The following NFATC3 variants were observed in gnomAD, a reference collection of about 807,000 sequenced individuals.
NFATC3 encodes nuclear factor of activated T cells 3.
A neutral mutation model predicts 98.6 loss-of-function variants in NFATC3; 46 were observed. The ratio of observed to expected loss-of-function variants is 0.47; its 90% CI spans 0.37 to 0.60. The LOEUF is 0.60. Ranked by LOEUF, NFATC3 falls within the 20% of genes least tolerant of loss-of-function variation. The pLI is 0.00. For missense variants in NFATC3, 1,256 were observed against 1,295.5 expected (o/e 0.97, Z 0.47); for synonymous variants, 512 against 472.2 (o/e 1.08, Z -1.09).
chr16:68,198,876 G>A (rs139098465), intron 9 of NFATC3, among the ~76,000 whole-genome samples: 4,027 of 152,192 alleles, frequency 0.026, 174 homozygotes, highest in African/African-American at 0.089. Context: ...GTGAAACCCC[G>A]TCTCTACTAA....
chr16:68,156,790 T>C (rs1390589733), intron 3 of NFATC3, among the ~76,000 whole-genome samples: 2 of 151,902 alleles, frequency 1.3e-5, no homozygotes, highest in African/African-American at 4.8e-5. Context: ...AATACAAAAA[T>C]TAGCCGGGCA....
chr16:68,199,612 G>A (rs147756409), intron 9 of NFATC3, among the ~76,000 whole-genome samples: 100 of 145,094 alleles, frequency 6.9e-4, no homozygotes, highest in African/African-American at 2.2e-3. Context: ...TTTTTGAGAC[G>A]GAGTCTCACT....
chr16:68,168,471 T>TTTATTATTA (rs141377197), intron 5 of NFATC3, among the ~76,000 whole-genome samples: 1 of 147,956 alleles, frequency 6.8e-6, no homozygotes, highest in Admixed American at 6.7e-5. Flanking sequence ...CTTGTATTCT[T>TTTATTATTA]TTATTATTAT....
At chr16:68,192,251 A>ATATATATGTATG (rs1427447833) in intron 9 of NFATC3, 15 of 109,108 alleles carry the variant, frequency 1.4e-4, no homozygotes, top group African/African-American at 4.7e-4. Flanking sequence ...ATATATATAT[A>ATATATATGTATG]TATGTATGTG....
intron 7 of NFATC3, among the ~76,000 whole-genome samples, chr16:68,181,865 T>C (rs2039961635): frequency 6.6e-6 from 1 of 152,110 alleles, no homozygotes; most frequent in African/African-American, 2.4e-5. Context: ...AGGTCAAGGC[T>C]GCAGTGAGCC....
intron 1 of NFATC3, among the ~76,000 whole-genome samples, chr16:68,098,271 CTATTATTATTAT>C (rs1314480778): frequency 8.1e-6 from 1 of 123,602 alleles, no homozygotes; most frequent in Non-Finnish European, 1.6e-5. Context: ...AACTTTTTGT[CTATTATTATTAT>C]TATTATTATT....
At chr16:68,169,454 T>G (rs1243852717) in intron 5 of NFATC3, among the ~76,000 whole-genome samples, 1 of 151,952 alleles carries the variant, frequency 6.6e-6, no homozygotes, top group Non-Finnish European at 1.5e-5. Flanking sequence ...TTTTTCCCCA[T>G]GTTGCCCAGG....
At chr16:68,095,202 A>T (rs988904839) in intron 1 of NFATC3, among the ~76,000 whole-genome samples, 54 of 146,460 alleles carry the variant, frequency 3.7e-4, no homozygotes, top group Admixed American at 6.8e-4. Flanking sequence ...CTTAAAAAAA[A>T]TTTTTTTTTT....
Position 68,163,520 on chromosome 16 carries a change from G to A in NFATC3, c.1602-3323G>A, listed in dbSNP as rs573595935. On this transcript the variant is annotated intron_variant, in intron 4 of 9. Transcript: ENST00000346183. ...TGACCCCCCCACTTCCCTCCCGGAC[G>A]GGGCGGCTGGCCTGGTGGGGGCTGA... 1.1e-4 allele frequency among the ~76,000 whole-genome samples: 17 copies of A among 151,878 alleles called. No individual in the cohort carries two copies. The South Asian group carries it at 2.9e-3, about 26-fold the overall frequency.
intron 8 of NFATC3, among the ~76,000 whole-genome samples, chr16:68,188,440 A>T (rs2040306206): frequency 6.6e-6 from 1 of 152,118 alleles, no homozygotes; most frequent in African/African-American, 2.4e-5. Context: ...GCCAATTCAG[A>T]AGGTGGCGGG....
chr16:68,117,725 C>G (rs1227539339), intron 1 of NFATC3, among the ~76,000 whole-genome samples: 1 of 152,080 alleles, frequency 6.6e-6, no homozygotes, highest in Non-Finnish European at 1.5e-5. Flanking sequence ...GCCACATCGT[C>G]CAGGCTGGTC....
Position 68,226,581 on chromosome 16 carries a change from C to A in NFATC3, c.*110C>A. ...TCAGGTCTGGGGCCAGGAGTGGGAC[C>A]CACCATTTGTGGGGAAAGTAGCATT... On this transcript the variant is annotated 3_prime_UTR_variant, in exon 10 of 10. Coordinates refer to ENST00000346183, the MANE Select transcript of NFATC3 (RefSeq NM_173165.3). 1.6e-6 allele frequency: 2 copies of A among 1,280,216 alleles called. No individual in the cohort carries two copies. Among genetic ancestry groups the A allele is most frequent in the Non-Finnish European group, 2.1e-6 (2 of 972,200 alleles). 79.3% of individuals were successfully genotyped at this position (1,280,216 alleles called of 1,614,324 possible).
chr16:68,210,214 C>T (rs1313362216), intron 9 of NFATC3, among the ~76,000 whole-genome samples: 2 of 150,964 alleles, frequency 1.3e-5, no homozygotes, highest in Admixed American at 1.3e-4. Flanking sequence ...AGGAGAATGG[C>T]GTGAACCCGG....
intron 3 of NFATC3, among the ~76,000 whole-genome samples, chr16:68,130,587 C>T (rs2037064079): frequency 6.6e-6 from 1 of 152,086 alleles, no homozygotes; most frequent in Non-Finnish European, 1.5e-5. Context: ...AAGATATTTT[C>T]TCCCATTCTA....
intron 1 of NFATC3, among the ~76,000 whole-genome samples, chr16:68,095,347 ATTTT>A (rs35343240): frequency 1.4e-4 from 15 of 103,832 alleles, no homozygotes; most frequent in African/African-American, 5.8e-4. Context: ...TGCCCAGCTA[ATTTT>A]TTTTTTTTTT....
At chr16:68,138,737 C>T (rs748014983) in intron 3 of NFATC3, 65 of 1,288,780 alleles carry the variant, frequency 5.0e-5, no homozygotes, top group South Asian at 3.1e-4. Flanking sequence ...AGCCTTTCCT[C>T]ATCAAAACTC....
chr16:68,222,488 A>G (rs1470302884), intron 9 of NFATC3, among the ~76,000 whole-genome samples: 1 of 152,080 alleles, frequency 6.6e-6, no homozygotes, highest in African/African-American at 2.4e-5. Flanking sequence ...TTGCCTTTGG[A>G]AGTGATAAAT....
At chr16:68,139,242 A>G (rs1243747053) in intron 3 of NFATC3, among the ~76,000 whole-genome samples, 2 of 152,208 alleles carry the variant, frequency 1.3e-5, no homozygotes, top group African/African-American at 2.4e-5. Flanking sequence ...TAAAATGAGA[A>G]TAATATATAA....
rs546440213 is a variant in NFATC3 at position 68,193,283 on chromosome 16, T to TA, written c.3106+1509dup. ...ATTTTGGTATGGGGGGGTTGTATGG[T>TA]ATGGACATAATCATTTCTCAGTGTA... On this transcript the variant is annotated intron_variant, in intron 9 of 9. Coordinates refer to ENST00000346183, the MANE Select transcript of NFATC3 (RefSeq NM_173165.3). Among the ~76,000 whole-genome samples, 767 of 152,216 alleles carry TA rather than the reference T, an allele frequency of 5.0e-3. 8 individuals are homozygous for TA. The highest frequency in any genetic ancestry group is 0.017 in the African/African-American group (699 of 41,518).
Sources: gnomAD v4.1 joint callset for allele counts (sites outside exome capture counted in the v4.1 genomes callset) on GRCh38, gnomAD v4.1.1 for gene constraint, MANE v1.5 for transcripts, NCBI Gene and HGNC (gene_info 2026-07-23, HGNC 2026-07-21) for gene names.